R3HCC1L: variants seen among roughly 807,000 people sequenced by gnomAD.
R3HCC1L encodes the protein R3H domain and coiled-coil containing 1 like, also known as coiled-coil domain-containing protein R3HCC1L.
A neutral mutation model predicts 59.9 loss-of-function variants in R3HCC1L; 51 were observed. The ratio of observed to expected loss-of-function variants is 0.85; its 90% CI spans 0.68 to 1.07. The LOEUF (loss-of-function observed/expected upper bound fraction) is 1.07. R3HCC1L is among the 50% of genes least tolerant of loss of function. The probability of loss-of-function intolerance (pLI) is 0.00; values close to 1 mark genes in which losing one functional copy is unlikely to be tolerated. For synonymous variants in R3HCC1L, 322 were observed against 315.2 expected, an observed-to-expected ratio of 1.02 and a Z score of -0.23; for missense variants, 965 against 933.0, an observed-to-expected ratio of 1.03 and a Z score of -0.45.
At chr10:98,175,396 TA>T (rs1848911007) in intron 4 of R3HCC1L, among the ~76,000 whole-genome samples, 1 of 152,140 alleles carries the variant, frequency 6.6e-6, no homozygotes. Flanking sequence ...TGCAGTTGTG[TA>T]ACTCCCACAC....
intron 1 of R3HCC1L, among the ~76,000 whole-genome samples, chr10:98,141,537 T>C (rs568610923): frequency 2.0e-5 from 3 of 152,364 alleles, no homozygotes; most frequent in East Asian, 1.9e-4. Context: ...ACCATTTTAT[T>C]GTGCTATGGA....
At chr10:98,194,700 G>T (rs1851233930) in intron 4 of R3HCC1L, among the ~76,000 whole-genome samples, 1 of 152,130 alleles carries the variant, frequency 6.6e-6, no homozygotes, top group Non-Finnish European at 1.5e-5. Flanking sequence ...TGCATGGCCA[G>T]CAGGCATGTG....
intron 4 of R3HCC1L, among the ~76,000 whole-genome samples, chr10:98,178,722 G>A (rs1849307978): frequency 2.0e-5 from 3 of 152,070 alleles, no homozygotes; most frequent in African/African-American, 7.2e-5. Context: ...CCATTTGTTT[G>A]TGTCCTTTTA....
chr10:98,209,723 G>A lies in R3HCC1L; in HGVS notation c.1609G>A (p.Gly537Arg). 1 of 1,613,594 alleles carries A rather than the reference G, an allele frequency of 6.2e-7. No individual in the cohort carries two copies. Among genetic ancestry groups the A allele is most frequent in the Middle Eastern group, 1.7e-4 (1 of 6,060 alleles). ...EFKTEEQDDS[G>R]SIEFGVSFPD... ...CAAAACAGAAGAGCAAGATGACTCAGGGAGTATAGAATTTGGTGTATCTTT... is the reference window on the plus strand; with the variant it reads ...CAAAACAGAAGAGCAAGATGACTCAAGGAGTATAGAATTTGGTGTATCTTT... Residue 537 changes from glycine to arginine, a missense_variant, in exon 5 of 10, where the codon GGG becomes AGG. Coordinates refer to ENST00000298999, the MANE Select transcript of R3HCC1L (RefSeq NM_001351015.2).
At chr10:98,207,244 A>G (rs747950286) in intron 4 of R3HCC1L, among the ~76,000 whole-genome samples, 4 of 152,222 alleles carry the variant, frequency 2.6e-5, no homozygotes, top group Non-Finnish European at 5.9e-5. Context: ...ACTTCATAGC[A>G]TTATTTTGAA....
In R3HCC1L at chr10:98,244,082, T is replaced by TA; in HGVS notation, c.2270-8dup. 4 of 1,613,570 alleles carry TA rather than the reference T, an allele frequency of 2.5e-6. No homozygotes were observed. The highest frequency in any genetic ancestry group is 3.4e-6 in the Non-Finnish European group (4 of 1,179,570). On this transcript the variant is annotated splice_polypyrimidine_tract_variant and intron_variant, in intron 9 of 9. Coordinates refer to ENST00000298999, the MANE Select transcript of R3HCC1L (RefSeq NM_001351015.2). Reference sequence around the variant, plus strand: ...AGACAACTGTGGTTAATACTGCTCTTATTTACAGAGAGAAAGCGGTTGGAA... The same window carrying TA: ...AGACAACTGTGGTTAATACTGCTCTTAATTTACAGAGAGAAAGCGGTTGGAA...
chr10:98,191,285 T>A (rs533402582), intron 4 of R3HCC1L, among the ~76,000 whole-genome samples: 181 of 152,320 alleles, frequency 1.2e-3, no homozygotes, highest in African/African-American at 4.1e-3. Flanking sequence ...GTAAAAGCAT[T>A]CCTATTTCTC....
chr10:98,166,768 C>T (rs748812029), intron 4 of R3HCC1L, among the ~76,000 whole-genome samples: 6 of 152,122 alleles, frequency 3.9e-5, no homozygotes, highest in South Asian at 2.1e-4. Flanking sequence ...CAGGTTCAAG[C>T]GATTCTCCTG....
chr10:98,177,221 C>A (rs1383942283), intron 4 of R3HCC1L, among the ~76,000 whole-genome samples: 1 of 152,090 alleles, frequency 6.6e-6, no homozygotes, highest in Non-Finnish European at 1.5e-5. Context: ...TGATGTTCCC[C>A]TTCCTGTGTC....
chr10:98,236,072 C>G lies in R3HCC1L; in HGVS notation c.2177C>G (p.Ala726Gly). ...KERPETSAAL[A>G]RRLVISALGV... ...CGTCCTGAGACTTCAGCAGCCCTAGCCAGAAGGTTAGTCATCAGTGCCCTT... is the reference window on the plus strand; with the variant it reads ...CGTCCTGAGACTTCAGCAGCCCTAGGCAGAAGGTTAGTCATCAGTGCCCTT... Residue 726 changes from alanine (A) to glycine (G), a missense_variant, in exon 9 of 10, where the codon GCC (alanine) becomes GGC (glycine). By Grantham distance (60) the Ala-to-Gly change is moderately conservative. Coordinates refer to ENST00000298999, the MANE Select transcript of R3HCC1L (RefSeq NM_001351015.2). The G allele has an allele frequency of 6.2e-7, 1 of 1,613,906 alleles. No individual in the cohort carries two copies. The highest frequency in any genetic ancestry group is 8.5e-7 in the Non-Finnish European group (1 of 1,179,864).
At chr10:98,195,477 A>G (rs1358006058) in intron 4 of R3HCC1L, among the ~76,000 whole-genome samples, 3 of 152,106 alleles carry the variant, frequency 2.0e-5, no homozygotes, top group Non-Finnish European at 2.9e-5. Flanking sequence ...AAAATGCACA[A>G]AACGTCTATA....
intron 5 of R3HCC1L, among the ~76,000 whole-genome samples, chr10:98,220,838 T>G (rs1268254743): frequency 6.7e-6 from 1 of 148,748 alleles, no homozygotes; most frequent in Non-Finnish European, 1.5e-5. Context: ...GCAATAAACA[T>G]ACGTGTGCAT....
At chr10:98,173,871 A>G (rs1222400093) in intron 4 of R3HCC1L, among the ~76,000 whole-genome samples, 1 of 152,188 alleles carries the variant, frequency 6.6e-6, no homozygotes, top group Non-Finnish European at 1.5e-5. Context: ...GATGAAAAAT[A>G]AATCTTCCCA....
At chr10:98,242,067 G>A (rs1343465896) in intron 9 of R3HCC1L, among the ~76,000 whole-genome samples, 5 of 152,060 alleles carry the variant, frequency 3.3e-5, no homozygotes, top group Admixed American at 6.5e-5. Context: ...GTTTCAGGCC[G>A]GGCACAGTGG....
chr10:98,184,058 CGT>C (rs148665186), intron 4 of R3HCC1L, among the ~76,000 whole-genome samples: 28 of 141,984 alleles, frequency 2.0e-4, no homozygotes, highest in Admixed American at 2.9e-4. Context: ...TTTCCTGAGA[CGT>C]GTGTGTGTGT....
intron 9 of R3HCC1L, among the ~76,000 whole-genome samples, chr10:98,239,840 G>A (rs1199891937): frequency 6.6e-6 from 1 of 152,100 alleles, no homozygotes; most frequent in Non-Finnish European, 1.5e-5. Flanking sequence ...TGGGACTACA[G>A]GCATGTGCCA....
chr10:98,163,255 T>C, intron 3 of R3HCC1L, 38 bp from the exon 4 acceptor site: 1 of 452,744 alleles, frequency 2.2e-6, no homozygotes, highest in Non-Finnish European at 3.9e-6. Context: ...AATAACTGTG[T>C]ATTTTTATAA....
chr10:98,205,588 T>G (rs1270776958), intron 4 of R3HCC1L, among the ~76,000 whole-genome samples: 2 of 152,198 alleles, frequency 1.3e-5, no homozygotes, highest in Non-Finnish European at 1.5e-5. Context: ...CAAAGGACAC[T>G]TGGAAAGCTG....
intron 1 of R3HCC1L, among the ~76,000 whole-genome samples, chr10:98,141,931 GT>G (rs1845177996): frequency 6.6e-6 from 1 of 152,188 alleles, no homozygotes; most frequent in Non-Finnish European, 1.5e-5. Flanking sequence ...GAAAAACATT[GT>G]GGGGGTGGGA....
Sources: gnomAD v4.1 joint callset for allele counts (sites outside exome capture counted in the v4.1 genomes callset) on GRCh38, gnomAD v4.1.1 for gene constraint, MANE v1.5 for transcripts, NCBI Gene and HGNC (gene_info 2026-07-23, HGNC 2026-07-21) for gene names.